Variants in ADGRL3 observed in about 807,000 individuals in gnomAD.
ADGRL3 encodes the protein calcium-independent alpha-latrotoxin receptor 3.
Under a neutral mutation model 153.5 loss-of-function variants are expected in ADGRL3, and 62 were observed. The observed-to-expected ratio is 0.40, with a 90% CI of 0.33 to 0.50. The LOEUF (loss-of-function observed/expected upper bound fraction) is 0.50. ADGRL3 is among the 20% of genes least tolerant of loss of function. The pLI is 0.47. For missense variants in ADGRL3, 1,641 were observed against 1,859.4 expected (o/e 0.88, Z 2.16); for synonymous variants, 710 against 672.5 (o/e 1.06, Z -0.86).
At chr4:61,449,790 GGTAAC>G (rs1326849001) in intron 2 of ADGRL3, among the ~76,000 whole-genome samples, 2 of 152,084 alleles carry the variant, frequency 1.3e-5, no homozygotes, top group Non-Finnish European at 2.9e-5. Flanking sequence ...AGAAATGACA[GGTAAC>G]GTGTTCATAT....
intron 9 of ADGRL3, among the ~76,000 whole-genome samples, chr4:61,823,273 T>C (rs1281240915): frequency 6.6e-6 from 1 of 152,218 alleles, no homozygotes; most frequent in Admixed American, 6.5e-5. Context: ...TGAAAAAATA[T>C]GTTTAATGTC....
At chr4:61,514,955 C>A (rs573101834) in intron 3 of ADGRL3, among the ~76,000 whole-genome samples, 2 of 152,152 alleles carry the variant, frequency 1.3e-5, no homozygotes, top group Non-Finnish European at 2.9e-5. Flanking sequence ...AATTGTCATT[C>A]TTTGCCTACT....
chr4:61,909,437 G>C (rs777020394), intron 11 of ADGRL3, 123 bp from the exon 12 acceptor site: 50 of 646,104 alleles, frequency 7.7e-5, no homozygotes, highest in Non-Finnish European at 1.2e-4. Flanking sequence ...AGATGAAGAT[G>C]AAGTTTAACA....
chr4:61,446,881 G>C (rs1002341701), intron 2 of ADGRL3, among the ~76,000 whole-genome samples: 9 of 152,130 alleles, frequency 5.9e-5, no homozygotes, highest in African/African-American at 2.2e-4. Flanking sequence ...ATAAAAGGTA[G>C]GTGCCAAATT....
intron 21 of ADGRL3, among the ~76,000 whole-genome samples, chr4:62,006,456 A>AGTTTTT (rs908586496): frequency 2.6e-5 from 4 of 151,874 alleles, no homozygotes; most frequent in African/African-American, 9.7e-5. Flanking sequence ...GGGGTAGGAC[A>AGTTTTT]GTTTTTGTTT....
intron 1 of ADGRL3, among the ~76,000 whole-genome samples, chr4:61,346,613 GA>G (rs35020356): frequency 0.5 from 71,061 of 141,850 alleles, 18,538 homozygotes; most frequent in East Asian, 0.68. Context: ...AAGAAAAATA[GA>G]AAAAAAAAAA....
intron 13 of ADGRL3, among the ~76,000 whole-genome samples, chr4:61,923,595 C>G (rs543271198): frequency 6.6e-6 from 1 of 152,088 alleles, no homozygotes; most frequent in Non-Finnish European, 1.5e-5. Context: ...AGTCACAGTT[C>G]CTTCTACTTG....
intron 6 of ADGRL3, chr4:61,677,370 A>C (rs1386416425): frequency 2.4e-6 from 1 of 415,236 alleles, no homozygotes; most frequent in South Asian, 1.8e-5. Context: ...TGAGAATTAG[A>C]AATATATTCA....
At chr4:61,908,568 A>G (rs970196739) in intron 11 of ADGRL3, among the ~76,000 whole-genome samples, 1 of 148,078 alleles carries the variant, frequency 6.8e-6, no homozygotes, top group Admixed American at 7.0e-5. Context: ...AGATCATGCC[A>G]TTGCACTCCA....
intron 6 of ADGRL3, among the ~76,000 whole-genome samples, chr4:61,722,987 C>T (rs1241178690): frequency 6.6e-6 from 1 of 152,028 alleles, no homozygotes; most frequent in African/African-American, 2.4e-5. Flanking sequence ...ATGTATAGAA[C>T]CCAGTAATAA....
At chr4:61,749,036 A>G (rs993222293) in intron 8 of ADGRL3, among the ~76,000 whole-genome samples, 1 of 151,754 alleles carries the variant, frequency 6.6e-6, no homozygotes, top group African/African-American at 2.4e-5. Flanking sequence ...AACCCCATCA[A>G]AAAGTGGGCA....
Position 62,061,478 on chromosome 4 carries a change from A to G in ADGRL3, c.3815-6688A>G, listed in dbSNP as rs551172675. 5.9e-5 allele frequency among the ~76,000 whole-genome samples: 9 copies of G among 152,060 alleles called. No homozygotes were observed. In the East Asian group the frequency reaches 1.4e-3, roughly 23 times the overall value. ...CCTGTAGTTAATTGTATTTGTATGTATGTGTTTAGTTCTATGCAATTTTAC... is the reference window on the plus strand; with the variant it reads ...CCTGTAGTTAATTGTATTTGTATGTGTGTGTTTAGTTCTATGCAATTTTAC... On this transcript the variant is annotated intron_variant, in intron 25 of 26. Coordinates refer to ENST00000683033, the MANE Select transcript of ADGRL3 (RefSeq NM_001387552.1).
chr4:61,354,693 G>T (rs1455559613), intron 1 of ADGRL3, among the ~76,000 whole-genome samples: 1 of 151,904 alleles, frequency 6.6e-6, no homozygotes, highest in Non-Finnish European at 1.5e-5. Context: ...TGAATAATCT[G>T]CCCATTACCT....
chr4:61,831,747 A>G (rs529488361), intron 9 of ADGRL3, among the ~76,000 whole-genome samples: 8 of 152,270 alleles, frequency 5.3e-5, no homozygotes, highest in African/African-American at 1.9e-4. Context: ...AAGGTTTAGT[A>G]GGTGAAACCT....
rs537966180 is a variant in ADGRL3 at position 61,229,919 on chromosome 4, C to T, written c.-240+28154C>T. ...CTGTTCTTAAATATATATATATATACACACATATATGTATATACATATTAT... is the reference window on the plus strand; with the variant it reads ...CTGTTCTTAAATATATATATATATATACACATATATGTATATACATATTAT... On this transcript the variant is annotated intron_variant, in intron 1 of 26. Transcript: ENST00000683033. Among the ~76,000 whole-genome samples, 29 of 149,942 alleles carry T rather than the reference C, an allele frequency of 1.9e-4. No individual in the cohort carries two copies. In the East Asian group the frequency reaches 5.1e-3, roughly 26 times the overall value.
intron 2 of ADGRL3, among the ~76,000 whole-genome samples, chr4:61,438,092 T>G (rs2097475564): frequency 6.6e-6 from 1 of 152,212 alleles, no homozygotes; most frequent in African/African-American, 2.4e-5. Flanking sequence ...TTTGTTCTTC[T>G]TGGAATTTCT....
chr4:61,737,188 A>C (rs193266883), intron 8 of ADGRL3, among the ~76,000 whole-genome samples: 2 of 152,218 alleles, frequency 1.3e-5, no homozygotes, highest in Admixed American at 1.3e-4. Flanking sequence ...TTAGAGTCAA[A>C]AACTAATCCT....
intron 1 of ADGRL3, among the ~76,000 whole-genome samples, chr4:61,363,122 G>C (rs1268424864): frequency 6.6e-6 from 1 of 152,118 alleles, no homozygotes; most frequent in African/African-American, 2.4e-5. Context: ...ACATTGAATA[G>C]ACTGTGATGC....
At chr4:61,877,941 A>T (rs888980257) in intron 9 of ADGRL3, among the ~76,000 whole-genome samples, 2 of 152,174 alleles carry the variant, frequency 1.3e-5, no homozygotes, top group Admixed American at 6.5e-5. Flanking sequence ...AAAAGTGTTT[A>T]GCAGTTACCC....
Sources: gnomAD v4.1 joint callset for allele counts (sites outside exome capture counted in the v4.1 genomes callset) on GRCh38, gnomAD v4.1.1 for gene constraint, MANE v1.5 for transcripts, NCBI Gene and HGNC (gene_info 2026-07-23, HGNC 2026-07-21) for gene names.